ANKRD26: variants seen among roughly 807,000 people sequenced by gnomAD.
ANKRD26 encodes ankyrin repeat domain 26, also known as ankyrin repeat domain-containing protein 26.
A neutral mutation model predicts 208.7 loss-of-function variants in ANKRD26; 141 were observed. The ratio of observed to expected loss-of-function variants is 0.68; its 90% CI spans 0.59 to 0.78. The LOEUF (loss-of-function observed/expected upper bound fraction) is 0.78. Ranked by LOEUF, ANKRD26 falls within the 30% of genes least tolerant of loss-of-function variation. The pLI is 0.00. For missense variants in ANKRD26, 1,889 were observed against 1,938.7 expected (o/e 0.97, Z 0.48); for synonymous variants, 636 against 660.4 (o/e 0.96, Z 0.57).
At chr10:27,015,873 A>T (rs2053271646) in intron 30 of ANKRD26, among the ~76,000 whole-genome samples, 1 of 152,146 alleles carries the variant, frequency 6.6e-6, no homozygotes, top group Non-Finnish European at 1.5e-5. Context: ...AGTTTTAATC[A>T]CTCATAGACA....
At chr10:26,949,687 TAG>T in the ANKRD26 span, among the ~76,000 whole-genome samples, 5 of 152,106 alleles carry the variant, frequency 3.3e-5, no homozygotes, top group African/African-American at 1.2e-4. Context: ...GTATTTTTAG[TAG>T]AGATGGGCTT....
At chr10:26,986,120 T>C (rs923247051) in intron 3 of ANKRD26, among the ~76,000 whole-genome samples, 3 of 152,174 alleles carry the variant, frequency 2.0e-5, no homozygotes, top group African/African-American at 7.2e-5. Context: ...TCAGAAATAA[T>C]GCCATATATC....
At chr10:27,029,379 C>T in intron 25 of ANKRD26, 23 bp from the exon 26 acceptor site, 1 of 1,601,718 alleles carries the variant, frequency 6.2e-7, no homozygotes, top group Non-Finnish European at 8.5e-7. Flanking sequence ...ATAAAAAAAA[C>T]CCACTTTACT....
the ANKRD26 span, among the ~76,000 whole-genome samples, chr10:26,961,910 A>G: frequency 6.6e-6 from 1 of 152,322 alleles, no homozygotes; most frequent in Non-Finnish European, 1.5e-5. Flanking sequence ...AGAATTGCCA[A>G]TATATATTAA....
intron 25 of ANKRD26, among the ~76,000 whole-genome samples, chr10:27,032,384 CAGT>C (rs1392136848): frequency 6.6e-6 from 1 of 151,978 alleles, no homozygotes; most frequent in Non-Finnish European, 1.5e-5. Flanking sequence ...CCTGTAATCA[CAGT>C]ACTCTGGGAG....
At chr10:26,948,596 T>C in the ANKRD26 span, among the ~76,000 whole-genome samples, 9 of 152,242 alleles carry the variant, frequency 5.9e-5, no homozygotes, top group Non-Finnish European at 1.3e-4. Flanking sequence ...CTTTGAAATA[T>C]CTTTATGATC....
intron 23 of ANKRD26, among the ~76,000 whole-genome samples, chr10:27,036,347 T>TAA (rs1235261653): frequency 1.3e-5 from 2 of 148,532 alleles, no homozygotes; most frequent in African/African-American, 2.5e-5. Flanking sequence ...AAGGAAAAGT[T>TAA]AAAAAAAAAA....
chr10:27,086,393 AG>A lies in ANKRD26; in HGVS notation c.709+145del. On this transcript the variant is annotated intron_variant, in intron 5 of 33. Transcript: ENST00000376087. ...AACTTCTTAAATAATTCTGAATTCT[AG>A]ATTACCAAGAGAAATTAAGAAAAAA... The A allele has an allele frequency of 3.9e-6, 4 of 1,030,344 alleles. No individual in the cohort carries two copies. In the East Asian group the frequency reaches 1.2e-4, roughly 30 times the overall value. 63.8% of individuals were successfully genotyped at this position (1,030,344 alleles called of 1,614,324 possible).
At chr10:27,086,193 A>AT (rs1011078618) in intron 5 of ANKRD26, among the ~76,000 whole-genome samples, 5 of 152,148 alleles carry the variant, frequency 3.3e-5, no homozygotes, top group Non-Finnish European at 7.4e-5. Context: ...TAGAAGATCC[A>AT]TTTTTTATAA....
intron 27 of ANKRD26, among the ~76,000 whole-genome samples, chr10:27,028,638 A>G (rs979876039): frequency 6.6e-6 from 1 of 151,598 alleles, no homozygotes; most frequent in African/African-American, 2.4e-5. Flanking sequence ...CTACATATAT[A>G]AGGTATATAT....
At chr10:26,997,028 T>C (rs2052608432) in intron 4 of ANKRD26, among the ~76,000 whole-genome samples, 2 of 151,698 alleles carry the variant, frequency 1.3e-5, no homozygotes, top group African/African-American at 4.8e-5. Context: ...TTTTGTCTCC[T>C]GGCTCATATT....
rs946903113 is a variant in ANKRD26 at position 27,060,423 on chromosome 10, T to C, written c.1492-6A>G. 7.5e-6 allele frequency: 12 copies of C among 1,609,682 alleles called. No individual in the cohort carries two copies. Among genetic ancestry groups the C allele is most frequent in the Non-Finnish European group, 1.0e-5 (12 of 1,176,296 alleles). On this transcript the variant is annotated splice_polypyrimidine_tract_variant and splice_region_variant and intron_variant, in intron 14 of 33. Transcript: ENST00000376087. The stretch of plus-strand genomic sequence containing the variant: ...TCTTTCATTTCAATGGTAGGCTGAA[T>C]GGGTTTTGAAACAAAATGATTAATA...
chr10:27,044,106 T>C, intron 19 of ANKRD26, 51 bp downstream of exon 19: 1 of 1,256,690 alleles, frequency 8.0e-7, no homozygotes, highest in Non-Finnish European at 1.1e-6. Flanking sequence ...CTTTATCTTT[T>C]ATAATGTATT....
chr10:27,076,554 C>T (rs560274471), intron 9 of ANKRD26, among the ~76,000 whole-genome samples: 5 of 152,130 alleles, frequency 3.3e-5, no homozygotes, highest in South Asian at 2.1e-4. Flanking sequence ...TGTGAGCCAC[C>T]GTGCCCAGTA....
At position 27,100,248 on chromosome 10, in the gene ANKRD26, C is replaced by A. The variant is rs749308690; in HGVS notation, c.79G>T (p.Gly27Trp). The stretch of plus-strand genomic sequence containing the variant: ...TAGGCGCCCTCCCCCGGCTCGCCCC[C>A]GCCTCCCGCGCTGCTCCTCTGCCGC... ...ARRQRSSAGG[G>W]GEPGEGAYSQ... The change falls in exon 1 of 34, where the codon GGG (glycine) becomes TGG (tryptophan). Residue 27 changes from glycine (G) to tryptophan (W), a missense_variant. Coordinates refer to ENST00000376087, the MANE Select transcript of ANKRD26 (RefSeq NM_014915.3). The A allele has an allele frequency of 6.8e-6, 11 of 1,611,308 alleles. No individual in the cohort carries two copies. The African/African-American group carries it at 1.2e-4, about 18-fold the overall frequency.
chr10:26,964,683 G>A, the ANKRD26 span, among the ~76,000 whole-genome samples: 2 of 152,220 alleles, frequency 1.3e-5, no homozygotes, highest in Admixed American at 6.5e-5. Context: ...AGGTTGTATA[G>A]TGTAGAGATA....
At chr10:26,971,727 A>G (rs2052145946), downstream of ANKRD26, among the ~76,000 whole-genome samples, 1 of 151,896 alleles carries the variant, frequency 6.6e-6, no homozygotes, top group South Asian at 2.1e-4. Context: ...CAGGATTTTA[A>G]ATAAACTAAC....
chr10:27,099,660 C>T (rs1386628947), intron 1 of ANKRD26, among the ~76,000 whole-genome samples: 1 of 152,040 alleles, frequency 6.6e-6, no homozygotes, highest in African/African-American at 2.4e-5. Flanking sequence ...TGATTACAGG[C>T]GCGAGCCACC....
chr10:26,995,959 C>T (rs1388873291), intron 4 of ANKRD26, among the ~76,000 whole-genome samples: 6 of 152,084 alleles, frequency 3.9e-5, no homozygotes, highest in East Asian at 1.9e-4. Context: ...TTACAGTCCA[C>T]GTATATCATG....
Sources: allele counts gnomAD v4.1 joint callset (sites outside exome capture counted in the v4.1 genomes callset), GRCh38; gene constraint gnomAD v4.1.1; transcripts MANE v1.5; gene names NCBI Gene and HGNC (gene_info 2026-07-23, HGNC 2026-07-21).